KIAA0319L: variants seen among roughly 807,000 people sequenced by gnomAD.
KIAA0319L encodes dyslexia-associated protein KIAA0319-like protein.
A neutral mutation model predicts 120.1 loss-of-function variants in KIAA0319L; 55 were observed. The observed-to-expected ratio is 0.46, with a 90% CI of 0.37 to 0.57. The LOEUF is 0.57. Among genes scored for constraint, KIAA0319L ranks in the 20% least tolerant of loss-of-function variants. KIAA0319L has a pLI of 0.00. For missense variants in KIAA0319L, 1,049 were observed against 1,255.3 expected, an observed-to-expected ratio of 0.84 and a Z score of 2.48; for synonymous variants, 398 against 471.9, an observed-to-expected ratio of 0.84 and a Z score of 2.03.
intron 17 of KIAA0319L, 198 bp downstream of exon 17, chr1:35,443,963 G>A (rs1222318330): frequency 4.6e-6 from 2 of 438,704 alleles, no homozygotes; most frequent in Non-Finnish European, 7.9e-6. Flanking sequence ...TTCTGAACAC[G>A]ATCTCAGGGG....
intron 3 of KIAA0319L, among the ~76,000 whole-genome samples, chr1:35,501,518 G>C (rs1027473021): frequency 6.6e-6 from 1 of 152,046 alleles, no homozygotes; most frequent in African/African-American, 2.4e-5. Context: ...TGGTGACTTT[G>C]ACATCTGGCT....
At chr1:35,495,970 C>T (rs1374374700) in intron 3 of KIAA0319L, among the ~76,000 whole-genome samples, 5 of 150,498 alleles carry the variant, frequency 3.3e-5, no homozygotes, top group Non-Finnish European at 5.9e-5. Flanking sequence ...TTCAATTAAA[C>T]ACCTATTACA....
intron 2 of KIAA0319L, among the ~76,000 whole-genome samples, chr1:35,544,154 G>A (rs1646897429): frequency 6.6e-6 from 1 of 151,998 alleles, no homozygotes; most frequent in African/African-American, 2.4e-5. Flanking sequence ...GATTGCCTGC[G>A]CTCAGGAGTT....
chr1:35,488,083 G>T (rs752956810), intron 3 of KIAA0319L, among the ~76,000 whole-genome samples: 6 of 152,200 alleles, frequency 3.9e-5, no homozygotes, highest in African/African-American at 9.6e-5. Flanking sequence ...TCTGCTGTGG[G>T]AGTTGTTGAA....
intron 4 of KIAA0319L, among the ~76,000 whole-genome samples, chr1:35,478,686 T>C (rs1171374091): frequency 1.3e-5 from 2 of 152,242 alleles, no homozygotes; most frequent in Non-Finnish European, 2.9e-5. Flanking sequence ...TAGGCTCTGA[T>C]TGATCACTTG....
At chr1:35,475,369 A>T (rs1174207328) in intron 4 of KIAA0319L, among the ~76,000 whole-genome samples, 1 of 152,202 alleles carries the variant, frequency 6.6e-6, no homozygotes, top group Non-Finnish European at 1.5e-5. Flanking sequence ...CTAATAAGAT[A>T]CATATATAAA....
chr1:35,547,396 C>G (rs1240910576), intron 2 of KIAA0319L, among the ~76,000 whole-genome samples: 2 of 150,316 alleles, frequency 1.3e-5, no homozygotes, highest in Non-Finnish European at 3.0e-5. Flanking sequence ...TACAGATATC[C>G]AAGAAAATTA....
At position 35,448,276 on chromosome 1, in the gene KIAA0319L, T is replaced by C. The variant is rs1641789449; in HGVS notation, c.2410A>G (p.Thr804Ala). 1.2e-6 allele frequency: 2 copies of C among 1,614,104 alleles called. No individual in the cohort carries two copies. Among genetic ancestry groups the C allele is most frequent in the Non-Finnish European group, 1.7e-6 (2 of 1,179,980 alleles). Residue 804 changes from threonine to alanine, a missense_variant, in exon 16 of 21, where the codon ACT (threonine) becomes GCT (alanine). By Grantham distance (58) the Thr-to-Ala change is moderately conservative (BLOSUM62 0). Transcript: ENST00000325722. Reference sequence around the variant, plus strand: ...ATGAACATCCCCTTCAGCCTCTCAGTTAGCTGACTGACGTTGATATCCAAG... The same window carrying C: ...ATGAACATCCCCTTCAGCCTCTCAGCTAGCTGACTGACGTTGATATCCAAG... Reference protein sequence around the residue: ...IILDINVSQLTERLKGMFIRQ... With the variant: ...IILDINVSQLAERLKGMFIRQ...
intron 18 of KIAA0319L, 48 bp downstream of exon 18, chr1:35,442,858 C>T (rs1016929083): frequency 8.7e-6 from 14 of 1,612,834 alleles, no homozygotes; most frequent in Admixed American, 8.3e-5. Flanking sequence ...AGTGCAGAAC[C>T]ACATTCAGCG....
chr1:35,436,091 C>T (rs1190408941), intron 20 of KIAA0319L, among the ~76,000 whole-genome samples: 1 of 152,170 alleles, frequency 6.6e-6, no homozygotes, highest in African/African-American at 2.4e-5. Context: ...ATCTCATCAT[C>T]CAATAATCAT....
intron 2 of KIAA0319L, among the ~76,000 whole-genome samples, chr1:35,510,735 A>C (rs1645405892): frequency 6.6e-6 from 1 of 151,744 alleles, no homozygotes; most frequent in Non-Finnish European, 1.5e-5. Flanking sequence ...GCCTCCCAAG[A>C]TGCTAGGACT....
At chr1:35,475,214 A>C (rs934550947) in intron 4 of KIAA0319L, among the ~76,000 whole-genome samples, 8 of 152,148 alleles carry the variant, frequency 5.3e-5, no homozygotes, top group Non-Finnish European at 5.9e-5. Context: ...ATATCATGAC[A>C]CCATATTATT....
intron 3 of KIAA0319L, among the ~76,000 whole-genome samples, chr1:35,483,399 G>A (rs888362350): frequency 3.9e-5 from 6 of 152,204 alleles, no homozygotes; most frequent in East Asian, 3.9e-4. Flanking sequence ...TCTATGATCC[G>A]TTTTGAGTTG....
At chr1:35,488,552 T>C (rs536556208) in intron 3 of KIAA0319L, among the ~76,000 whole-genome samples, 133 of 152,296 alleles carry the variant, frequency 8.7e-4, no homozygotes, top group African/African-American at 2.7e-3. Context: ...TTTGGAATCA[T>C]GCTCCTAAAG....
At chr1:35,450,106 C>T (rs1173071161) in intron 14 of KIAA0319L, 101 bp from the exon 15 acceptor site, 10 of 1,408,320 alleles carry the variant, frequency 7.1e-6, no homozygotes, top group African/African-American at 1.4e-5. Context: ...CAGGGCTGAA[C>T]TGTTTCAACC....
intron 6 of KIAA0319L, among the ~76,000 whole-genome samples, chr1:35,467,392 A>G (rs1331402112): frequency 7.2e-6 from 1 of 139,098 alleles, no homozygotes; most frequent in East Asian, 1.9e-4. Context: ...GCATATCACT[A>G]TCATAACACA....
intron 2 of KIAA0319L, among the ~76,000 whole-genome samples, chr1:35,532,867 T>C (rs1646425969): frequency 1.3e-5 from 2 of 152,182 alleles, no homozygotes; most frequent in Non-Finnish European, 2.9e-5. Context: ...GCAAAGCCAA[T>C]TCCCCTCTTT....
At chr1:35,551,214 T>A (rs1364527185) in intron 2 of KIAA0319L, among the ~76,000 whole-genome samples, 2 of 152,238 alleles carry the variant, frequency 1.3e-5, no homozygotes, top group Non-Finnish European at 2.9e-5. Flanking sequence ...TTTAAAAGGA[T>A]ATCTCATTTT....
chr1:35,449,381 A>G (rs1410924448), intron 15 of KIAA0319L, among the ~76,000 whole-genome samples: 1 of 152,238 alleles, frequency 6.6e-6, no homozygotes, highest in African/African-American at 2.4e-5. Flanking sequence ...TGAAAAATGT[A>G]AAGAGCACTA....
Sources: allele counts gnomAD v4.1 joint callset (sites outside exome capture counted in the v4.1 genomes callset), GRCh38; gene constraint gnomAD v4.1.1; transcripts MANE v1.5; gene names NCBI Gene and HGNC (gene_info 2026-07-23, HGNC 2026-07-21).